The following ANO6 variants were observed in gnomAD, a reference collection of about 807,000 sequenced individuals.
ANO6 encodes the protein anoctamin 6, also known as anoctamin-6.
ANO6 carries 106 observed loss-of-function variants against 117.5 expected under a neutral mutation model. The ratio of observed to expected loss-of-function variants is 0.90; its 90% confidence interval spans 0.77 to 1.06. ANO6 has a LOEUF of 1.06. Among genes scored for constraint, ANO6 ranks in the 50% least tolerant of loss-of-function variants. ANO6 has a pLI of 0.00. For synonymous variants in ANO6, 367 were observed against 385.1 expected (o/e 0.95, Z 0.55); for missense variants, 955 against 1,121.1 (o/e 0.85, Z 2.12).
intron 2 of ANO6, among the ~76,000 whole-genome samples, chr12:45,325,528 T>C (rs1361646487): frequency 6.6e-6 from 1 of 152,200 alleles, no homozygotes; most frequent in Non-Finnish European, 1.5e-5. Context: ...TAATGCTTTA[T>C]TGGGAATATC....
chr12:45,406,059 T>C (rs1942927132), intron 15 of ANO6, among the ~76,000 whole-genome samples: 1 of 152,332 alleles, frequency 6.6e-6, no homozygotes, highest in South Asian at 2.1e-4. Flanking sequence ...TCACCACACA[T>C]GTACCCTCCT....
At chr12:45,377,466 C>G (rs1254140653) in intron 9 of ANO6, among the ~76,000 whole-genome samples, 2 of 152,124 alleles carry the variant, frequency 1.3e-5, no homozygotes, top group Non-Finnish European at 2.9e-5. Context: ...ACCTCTGCAT[C>G]CTTTATTCCA....
At chr12:45,354,526 A>C (rs1254439847) in intron 7 of ANO6, among the ~76,000 whole-genome samples, 1 of 152,104 alleles carries the variant, frequency 6.6e-6, no homozygotes, top group Non-Finnish European at 1.5e-5. Context: ...CCCAGGTGAC[A>C]CAGTTCTGTG....
chr12:45,218,083 A>G (rs1487765275), intron 1 of ANO6, among the ~76,000 whole-genome samples: 1 of 152,156 alleles, frequency 6.6e-6, no homozygotes, highest in African/African-American at 2.4e-5. Context: ...CATGTCATTC[A>G]TGCTAGTTTT....
At chr12:45,261,281 A>C (rs4768085) in intron 1 of ANO6, among the ~76,000 whole-genome samples, 120,958 of 152,168 alleles carry the variant, frequency 0.79, 50,899 homozygotes, top group Non-Finnish European at 0.94. Context: ...GATTCAGAAC[A>C]TCTTCCCATT....
intron 7 of ANO6, 109 bp downstream of exon 7, chr12:45,350,883 C>G (rs74080818): frequency 4.1e-5 from 39 of 943,600 alleles, no homozygotes; most frequent in Admixed American, 2.0e-4. Flanking sequence ...GGGAGCTGAC[C>G]CAGAGTGCTG....
At chr12:45,216,498 GA>G in intron 1 of ANO6, 107 bp downstream of exon 1, 1 of 1,303,274 alleles carries the variant, frequency 7.7e-7, no homozygotes, top group Non-Finnish European at 1.1e-6. Context: ...GGTTGGCCGA[GA>G]CGCTCGGCCG....
intron 3 of ANO6, among the ~76,000 whole-genome samples, chr12:45,332,782 G>A (rs557209382): frequency 4.1e-4 from 62 of 152,028 alleles, no homozygotes; most frequent in Non-Finnish European, 7.4e-4. Context: ...GGGTCATCCC[G>A]AATATCAACA....
chr12:45,319,294 A>G (rs1940170221), intron 2 of ANO6, among the ~76,000 whole-genome samples: 1 of 152,172 alleles, frequency 6.6e-6, no homozygotes, highest in African/African-American at 2.4e-5. Flanking sequence ...CATTCCATCA[A>G]TACCTAGTTG....
intron 17 of ANO6, 79 bp downstream of exon 17, chr12:45,416,983 G>A: frequency 2.1e-6 from 3 of 1,444,456 alleles, no homozygotes; most frequent in South Asian, 1.2e-5. Flanking sequence ...AATGTTTAGT[G>A]TTTTTTAAAA....
intron 9 of ANO6, among the ~76,000 whole-genome samples, chr12:45,373,911 A>C (rs562343441): frequency 6.6e-6 from 1 of 152,236 alleles, no homozygotes; most frequent in Admixed American, 6.5e-5. Context: ...CAAAAAATTA[A>C]TGAATCCAGG....
At chr12:45,327,180 A>G (rs1282765813) in intron 2 of ANO6, among the ~76,000 whole-genome samples, 2 of 152,124 alleles carry the variant, frequency 1.3e-5, no homozygotes, top group African/African-American at 4.8e-5. Context: ...AAAAAAAAAG[A>G]GTATTTCATT....
chr12:45,421,395 G>A (rs1943361399), intron 18 of ANO6, 122 bp downstream of exon 18: 4 of 997,974 alleles, frequency 4.0e-6, no homozygotes, highest in South Asian at 2.8e-5. Flanking sequence ...GGATCAATCA[G>A]GTGCTTTGGT....
intron 1 of ANO6, among the ~76,000 whole-genome samples, chr12:45,233,541 T>C (rs1234278983): frequency 1.3e-5 from 2 of 152,204 alleles, no homozygotes; most frequent in Admixed American, 6.5e-5. Flanking sequence ...ATAAATGCCA[T>C]TGAGATCAAG....
chr12:45,374,515 G>A (rs1941946740), intron 9 of ANO6, among the ~76,000 whole-genome samples: 2 of 81,978 alleles, frequency 2.4e-5, no homozygotes, highest in East Asian at 6.5e-4. Flanking sequence ...ATGATCAAGT[G>A]GGCTTCATCC....
At chr12:45,269,853 T>C (rs906180776) in intron 1 of ANO6, among the ~76,000 whole-genome samples, 7 of 152,222 alleles carry the variant, frequency 4.6e-5, no homozygotes, top group Non-Finnish European at 7.3e-5. Context: ...AGTTTTCTTT[T>C]TAATTTTCCC....
At chr12:45,244,149 G>A (rs1947786789) in intron 1 of ANO6, among the ~76,000 whole-genome samples, 1 of 152,134 alleles carries the variant, frequency 6.6e-6, no homozygotes, top group African/African-American at 2.4e-5. Flanking sequence ...GAATGTGAAA[G>A]TTTCAGTTCA....
chr12:45,346,275 C>A (rs1350819831), intron 3 of ANO6, among the ~76,000 whole-genome samples: 5 of 152,128 alleles, frequency 3.3e-5, no homozygotes, highest in African/African-American at 1.2e-4. Flanking sequence ...GAAAAGCATT[C>A]TTTTTAAAAG....
chr12:45,237,849 C>G (rs937391735), intron 1 of ANO6, among the ~76,000 whole-genome samples: 4 of 152,160 alleles, frequency 2.6e-5, no homozygotes, highest in African/African-American at 9.7e-5. Flanking sequence ...ATTCTTCCTA[C>G]CCATGAGCAT....
Sources: allele counts gnomAD v4.1 joint callset (sites outside exome capture counted in the v4.1 genomes callset), GRCh38; gene constraint gnomAD v4.1.1; transcripts MANE v1.5; gene names NCBI Gene and HGNC (gene_info 2026-07-23, HGNC 2026-07-21).